The following MACROD2 variants were observed in gnomAD, a reference collection of about 807,000 sequenced individuals.
The protein encoded by MACROD2 is mono-ADP ribosylhydrolase 2, also known as ADP-ribose glycohydrolase MACROD2.
A neutral mutation model predicts 70.4 loss-of-function variants in MACROD2; 36 were observed. The ratio of observed to expected loss-of-function variants is 0.51; its 90% confidence interval spans 0.39 to 0.68. The LOEUF is 0.68. Among genes scored for constraint, MACROD2 ranks in the 30% least tolerant of loss-of-function variants. MACROD2 has a pLI of 0.00. For synonymous variants in MACROD2, 172 were observed against 178.8 expected, an observed-to-expected ratio of 0.96 and a Z score of 0.30; for missense variants, 496 against 538.4, an observed-to-expected ratio of 0.92 and a Z score of 0.78.
chr20:15,895,807 T>C (rs1453137601), intron 10 of MACROD2, among the ~76,000 whole-genome samples: 1 of 152,216 alleles, frequency 6.6e-6, no homozygotes, highest in Non-Finnish European at 1.5e-5. Context: ...ATCTCCGGGT[T>C]GCCACTCCTG....
At chr20:15,995,511 G>A (rs550852654) in intron 15 of MACROD2, among the ~76,000 whole-genome samples, 17 of 149,782 alleles carry the variant, frequency 1.1e-4, no homozygotes, top group Admixed American at 7.3e-4. Context: ...CACCGTGCCC[G>A]GCTAATTTTT....
intron 5 of MACROD2, among the ~76,000 whole-genome samples, chr20:14,955,962 G>T (rs11905460): frequency 0.16 from 24,182 of 151,584 alleles, 2,370 homozygotes; most frequent in East Asian, 0.33. Context: ...TTTTATTTTT[G>T]CAATCAGTTT....
intron 3 of MACROD2, among the ~76,000 whole-genome samples, chr20:14,271,147 C>A (rs2082191071): frequency 6.6e-6 from 1 of 152,208 alleles, no homozygotes; most frequent in Admixed American, 6.5e-5. Context: ...CAGTGATTCT[C>A]CCAGCACACA....
chr20:15,613,106 C>T (rs148369491), intron 8 of MACROD2, among the ~76,000 whole-genome samples: 12 of 152,330 alleles, frequency 7.9e-5, no homozygotes, highest in African/African-American at 2.9e-4. Context: ...AATTAAGCTG[C>T]ACCTCCTTTA....
chr20:14,478,731 A>T (rs2084626809), intron 3 of MACROD2, among the ~76,000 whole-genome samples: 2 of 151,996 alleles, frequency 1.3e-5, no homozygotes, highest in South Asian at 4.1e-4. Context: ...TCCTATTTAA[A>T]TCCCTTATTT....
chr20:15,895,921 C>T (rs998986054), intron 10 of MACROD2, among the ~76,000 whole-genome samples: 16 of 152,206 alleles, frequency 1.1e-4, no homozygotes, highest in South Asian at 2.1e-4. Context: ...ACCACACATA[C>T]GGCACTTATT....
intron 5 of MACROD2, among the ~76,000 whole-genome samples, chr20:14,705,608 T>C (rs2071259675): frequency 6.6e-6 from 1 of 152,174 alleles, no homozygotes; most frequent in Non-Finnish European, 1.5e-5. Context: ...GGGAGTAATA[T>C]AAAGACATAC....
intron 6 of MACROD2, among the ~76,000 whole-genome samples, chr20:15,377,783 G>A (rs781224466): frequency 2.1e-5 from 3 of 139,632 alleles, no homozygotes; most frequent in Non-Finnish European, 3.3e-5. Flanking sequence ...CTGACCTACA[G>A]AGAGTCTGTA....
At chr20:14,084,206 G>T (rs1434546965) in intron 2 of MACROD2, among the ~76,000 whole-genome samples, 1 of 151,362 alleles carries the variant, frequency 6.6e-6, no homozygotes, top group Non-Finnish European at 1.5e-5. Flanking sequence ...TTTTGGGGAG[G>T]GTGTATTGTG....
chr20:15,420,785 T>C (rs1014174076), intron 6 of MACROD2, among the ~76,000 whole-genome samples: 3 of 152,136 alleles, frequency 2.0e-5, no homozygotes, highest in African/African-American at 7.2e-5. Flanking sequence ...GGTAGAAACA[T>C]CTAGAGTGTT....
At chr20:15,886,054 G>T (rs1450782698) in intron 10 of MACROD2, among the ~76,000 whole-genome samples, 1 of 152,112 alleles carries the variant, frequency 6.6e-6, no homozygotes, top group Non-Finnish European at 1.5e-5. Context: ...TGATGTTGTG[G>T]TTAATACAGT....
chr20:14,081,397 C>T (rs776989228), intron 2 of MACROD2, among the ~76,000 whole-genome samples: 9 of 152,188 alleles, frequency 5.9e-5, no homozygotes, highest in Admixed American at 2.0e-4. Context: ...TCTGTTTTTA[C>T]TGCTTTAATC....
chr20:15,974,948 A>C (rs1050574584), intron 13 of MACROD2, among the ~76,000 whole-genome samples: 1 of 152,166 alleles, frequency 6.6e-6, no homozygotes, highest in African/African-American at 2.4e-5. Context: ...ATAATGAGTA[A>C]AGGTTATAGT....
intron 8 of MACROD2, among the ~76,000 whole-genome samples, chr20:15,836,542 G>A (rs1206842137): frequency 1.3e-5 from 2 of 152,064 alleles, no homozygotes; most frequent in Non-Finnish European, 2.9e-5. Flanking sequence ...AGTTTCATGT[G>A]GTTGACAAGA....
chr20:15,577,700 T>A (rs549837768), intron 8 of MACROD2, among the ~76,000 whole-genome samples: 1 of 152,200 alleles, frequency 6.6e-6, no homozygotes, highest in African/African-American at 2.4e-5. Flanking sequence ...CTGCCATAGA[T>A]AAACACATGT....
At chr20:15,834,208 T>C (rs956750652) in intron 8 of MACROD2, among the ~76,000 whole-genome samples, 2 of 152,112 alleles carry the variant, frequency 1.3e-5, no homozygotes, top group South Asian at 2.1e-4. Flanking sequence ...GGTGTGGTGG[T>C]GGGCACCTGT....
At chr20:15,214,185 G>T (rs2076788883) in intron 5 of MACROD2, among the ~76,000 whole-genome samples, 1 of 152,184 alleles carries the variant, frequency 6.6e-6, no homozygotes, top group Non-Finnish European at 1.5e-5. Flanking sequence ...GATCCAGTAT[G>T]ACTTTATTTT....
At position 14,292,214 on chromosome 20, in the gene MACROD2, A is replaced by G. The variant is rs1379434468; in HGVS notation, c.272-201265A>G. Among the ~76,000 whole-genome samples the G allele has an allele frequency of 3.9e-5, 6 of 151,934 alleles. No individual in the cohort carries two copies. In the East Asian group the frequency reaches 7.7e-4, roughly 20 times the overall value. On this transcript the variant is annotated intron_variant, in intron 3 of 17. Transcript: ENST00000684519. The stretch of plus-strand genomic sequence containing the variant: ...AGAAGGGTACAGCTCTTACTAGCCA[A>G]CACTCATACAGCTAGAAGATGAAGC...
intron 13 of MACROD2, among the ~76,000 whole-genome samples, chr20:15,978,460 G>A (rs111372715): frequency 4.2e-4 from 64 of 152,218 alleles, no homozygotes; most frequent in African/African-American, 1.4e-3. Flanking sequence ...AAAGTTAACC[G>A]ACAAAGAACC....
Sources: gnomAD v4.1 joint callset for allele counts (sites outside exome capture counted in the v4.1 genomes callset) on GRCh38, gnomAD v4.1.1 for gene constraint, MANE v1.5 for transcripts, NCBI Gene and HGNC (gene_info 2026-07-23, HGNC 2026-07-21) for gene names.